RREB1: variants seen among roughly 807,000 people sequenced by gnomAD.
The protein encoded by RREB1 is ras-responsive element-binding protein 1.
In RREB1, 27 loss-of-function variants were observed where a neutral mutation model predicts 117.8. The ratio of observed to expected loss-of-function variants is 0.23; its 90% CI spans 0.17 to 0.32. The LOEUF is 0.32. RREB1 is among the 10% of genes least tolerant of loss of function. The probability of loss-of-function intolerance (pLI) is 1.00; values close to 1 mark genes in which losing one functional copy is unlikely to be tolerated. For missense variants in RREB1, 2,577 were observed against 2,378.2 expected (o/e 1.08, Z -1.74); for synonymous variants, 1,298 against 1,026.7 (o/e 1.26, Z -5.05).
rs143632668 is a variant in RREB1 at position 7,242,649 on chromosome 6, C to G, written c.3973+2047C>G. On this transcript the variant is annotated intron_variant, in intron 11 of 12. Coordinates refer to ENST00000379938, the MANE Select transcript of RREB1 (RefSeq NM_001003699.4). Reference sequence around the variant, plus strand: ...GAAGCCTTCATTCTGGGTTCCCCCCCCCCAGTGAAGTTTAAAAAGTGAGGC... The same window carrying G: ...GAAGCCTTCATTCTGGGTTCCCCCCGCCCAGTGAAGTTTAAAAAGTGAGGC... Among the ~76,000 whole-genome samples, 17 of 150,944 alleles carry G rather than the reference C, an allele frequency of 1.1e-4. No homozygotes were observed. The East Asian group carries it at 1.4e-3, about 12-fold the overall frequency.
chr6:7,175,162 G>C (rs1015645739), intron 1 of RREB1, among the ~76,000 whole-genome samples: 2 of 152,034 alleles, frequency 1.3e-5, no homozygotes, highest in Admixed American at 1.3e-4. Flanking sequence ...AAGATAGTCT[G>C]AAAGGATGTT....
At chr6:7,201,115 G>C (rs774634052) in intron 6 of RREB1, among the ~76,000 whole-genome samples, 1 of 152,138 alleles carries the variant, frequency 6.6e-6, no homozygotes, top group Non-Finnish European at 1.5e-5. Flanking sequence ...AGGATGACTA[G>C]CAGAGAGCTG....
chr6:7,206,959 A>T (rs934795399), intron 6 of RREB1, among the ~76,000 whole-genome samples: 2 of 152,228 alleles, frequency 1.3e-5, no homozygotes, highest in African/African-American at 4.8e-5. Context: ...GGTGGAAGCC[A>T]GATTTATTTT....
At position 7,229,854 on chromosome 6, in the gene RREB1, G is replaced by A. The variant is rs370680719; in HGVS notation, c.1755G>A (p.Glu585=). 7 of 1,610,280 alleles carry A rather than the reference G, an allele frequency of 4.3e-6. No homozygotes were observed. The highest frequency in any genetic ancestry group is 1.6e-4 in the Middle Eastern group (1 of 6,072). ...TRLSLQQPRA[E]LPGQPEMKTQ... ...TCTCCCTGCAGCAGCCGCGGGCGGA[G>A]CTGCCGGGCCAGCCTGAGATGAAGA... Residue 585 remains glutamate (E), a synonymous_variant, in exon 10 of 13, where the codon GAG becomes GAA. Coordinates refer to ENST00000379938, the MANE Select transcript of RREB1 (RefSeq NM_001003699.4). The surrounding 1 kb of genome is among the most constrained non-coding windows in gnomAD (Gnocchi z 4.5).
At chr6:7,239,370 T>G (rs1300332760) in intron 10 of RREB1, among the ~76,000 whole-genome samples, 1 of 152,210 alleles carries the variant, frequency 6.6e-6, no homozygotes, top group East Asian at 1.9e-4. Context: ...CACCACCAAC[T>G]TCCGCCTCCT....
chr6:7,116,933 C>T (rs1416159831), intron 1 of RREB1, among the ~76,000 whole-genome samples: 1 of 152,126 alleles, frequency 6.6e-6, no homozygotes, highest in Admixed American at 6.5e-5. Flanking sequence ...AGACCAAAAT[C>T]ATTTCAGAGC....
At position 7,177,902 on chromosome 6, in the gene RREB1, T is replaced by C. The variant is rs2113520002; in HGVS notation, c.-166+1129T>C. 1.3e-5 allele frequency among the ~76,000 whole-genome samples: 2 copies of C among 152,292 alleles called. 1 individual carries two copies. Among genetic ancestry groups the C allele is most frequent in the South Asian group, 4.2e-4 (2 of 4,818 alleles). ...CACGCCCAGCTAATTTTTGTAGTTT[T>C]AGGGGAGACGGGGTTTTGCCATGTT... On this transcript the variant is annotated intron_variant, in intron 2 of 12. Transcript: ENST00000379938.
At chr6:7,240,827 T>C (rs1176553792) in intron 11 of RREB1, among the ~76,000 whole-genome samples, 1 of 152,088 alleles carries the variant, frequency 6.6e-6, no homozygotes. Flanking sequence ...ACAGTGACAG[T>C]GCCCCTCGGT....
chr6:7,211,039 C>T, intron 7 of RREB1, 91 bp downstream of exon 7: 1 of 1,270,622 alleles, frequency 7.9e-7, no homozygotes, highest in Non-Finnish European at 1.1e-6. Context: ...GGAGACTTGG[C>T]AGACATACAT....
intron 1 of RREB1, among the ~76,000 whole-genome samples, chr6:7,115,551 G>T (rs1301633375): frequency 6.6e-6 from 1 of 152,108 alleles, no homozygotes; most frequent in African/African-American, 2.4e-5. Context: ...CTAAACCAGC[G>T]GTTAGTCAGT....
At chr6:7,123,798 C>T (rs1297550228) in intron 1 of RREB1, among the ~76,000 whole-genome samples, 2 of 151,684 alleles carry the variant, frequency 1.3e-5, no homozygotes, top group African/African-American at 4.8e-5. Context: ...TTTTTAATAG[C>T]GATGGGGTTT....
chr6:7,161,905 A>G (rs1018329281), intron 1 of RREB1, among the ~76,000 whole-genome samples: 3 of 152,174 alleles, frequency 2.0e-5, no homozygotes, highest in Non-Finnish European at 4.4e-5. Flanking sequence ...TAAATCTGCT[A>G]CCAAGAGCTT....
chr6:7,240,144 C>T (rs891077497), intron 10 of RREB1, among the ~76,000 whole-genome samples: 3 of 151,906 alleles, frequency 2.0e-5, no homozygotes, highest in South Asian at 2.1e-4. Flanking sequence ...TTTTTGTTGT[C>T]GTTAATATTT....
At chr6:7,207,624 C>T (rs981921638) in intron 6 of RREB1, among the ~76,000 whole-genome samples, 1 of 152,170 alleles carries the variant, frequency 6.6e-6, no homozygotes, top group Non-Finnish European at 1.5e-5. Context: ...GCTGTCAGAT[C>T]ACATCCAGAC....
intron 1 of RREB1, among the ~76,000 whole-genome samples, chr6:7,118,801 ATTTTTTTTTTT>A (rs70978942): frequency 4.7e-4 from 22 of 47,056 alleles, no homozygotes; most frequent in African/African-American, 1.9e-3. Flanking sequence ...GTTTTTTTTA[ATTTTTTTTTTT>A]TTTTTTTTTT....
intron 12 of RREB1, among the ~76,000 whole-genome samples, chr6:7,247,796 C>T (rs1412492287): frequency 6.6e-6 from 1 of 152,236 alleles, no homozygotes; most frequent in African/African-American, 2.4e-5. Flanking sequence ...GACCCCAGAG[C>T]AGGGGCGCTT....
chr6:7,246,601 G>T lies in RREB1; in HGVS notation c.4151G>T (p.Arg1384Leu). The T allele has an allele frequency of 1.3e-6, 2 of 1,558,898 alleles. No homozygotes were observed. The highest frequency in any genetic ancestry group is 1.9e-5 in the Admixed American group (1 of 51,996). The part of the protein sequence containing the change: ...ASPVHREEHG[R>L]GESHEPEEEH... ...CCGGTGCACCGGGAAGAGCACGGGC[G>T]TGGGGAGAGCCATGAGCCGGAGGAG... The change falls in exon 12 of 13, where the codon CGT becomes CTT. Residue 1384 changes from arginine (R) to leucine (L), a missense_variant. Coordinates refer to ENST00000379938, the MANE Select transcript of RREB1 (RefSeq NM_001003699.4).
intron 1 of RREB1, among the ~76,000 whole-genome samples, chr6:7,167,038 A>G (rs1430732051): frequency 2.0e-5 from 3 of 152,140 alleles, no homozygotes; most frequent in Admixed American, 6.5e-5. Flanking sequence ...TTTCTACCAT[A>G]CATTGTCATG....
intron 6 of RREB1, among the ~76,000 whole-genome samples, chr6:7,193,721 C>T (rs922955654): frequency 6.6e-6 from 1 of 152,160 alleles, no homozygotes; most frequent in African/African-American, 2.4e-5. Context: ...ACCTTATACA[C>T]ATAGCCTGAA....
Sources: allele counts gnomAD v4.1 joint callset (sites outside exome capture counted in the v4.1 genomes callset), GRCh38; gene constraint gnomAD v4.1.1; non-coding constraint Gnocchi (gnomAD v3.1); transcripts MANE v1.5; gene names NCBI Gene and HGNC (gene_info 2026-07-23, HGNC 2026-07-21).